The following TBC1D30 variants were observed in gnomAD, a reference collection of about 807,000 sequenced individuals.
The protein encoded by TBC1D30 is TBC1 domain family, member 30.
Under a neutral mutation model 63.2 loss-of-function variants are expected in TBC1D30, and 31 were observed. The observed-to-expected ratio is 0.49, with a 90% CI of 0.37 to 0.66. The LOEUF is 0.66. Ranked by LOEUF, TBC1D30 falls within the 30% of genes least tolerant of loss-of-function variation. The pLI, the probability that TBC1D30 is intolerant of heterozygous loss-of-function variation, is 0.00. For missense variants in TBC1D30, 810 were observed against 953.6 expected, an observed-to-expected ratio of 0.85 and a Z score of 1.98; for synonymous variants, 307 against 361.5, an observed-to-expected ratio of 0.85 and a Z score of 1.71.
At chr12:64,794,724 C>G (rs1872148058) in intron 2 of TBC1D30, among the ~76,000 whole-genome samples, 1 of 152,334 alleles carries the variant, frequency 6.6e-6, no homozygotes, top group Non-Finnish European at 1.5e-5. Context: ...CAGGTGTGAG[C>G]CACTGCACCT....
chr12:64,760,222 T>C (rs938088852), intron 1 of TBC1D30, among the ~76,000 whole-genome samples: 4 of 152,130 alleles, frequency 2.6e-5, no homozygotes, highest in South Asian at 4.1e-4. Flanking sequence ...CCCTTGAAAC[T>C]AGCTCCAGAT....
intron 2 of TBC1D30, among the ~76,000 whole-genome samples, chr12:64,793,964 A>G (rs1038453885): frequency 2.6e-5 from 4 of 152,234 alleles, no homozygotes; most frequent in Non-Finnish European, 5.9e-5. Context: ...TTTGTTTCCC[A>G]TATCCCCTTG....
intron 8 of TBC1D30, among the ~76,000 whole-genome samples, chr12:64,845,930 C>G (rs1224301365): frequency 6.6e-6 from 1 of 152,172 alleles, no homozygotes; most frequent in Admixed American, 6.5e-5. Context: ...TCCCAAAATG[C>G]TGGGATTATA....
chr12:64,867,598 A>G (rs1458973801), intron 10 of TBC1D30, among the ~76,000 whole-genome samples: 4 of 152,204 alleles, frequency 2.6e-5, no homozygotes, highest in African/African-American at 7.2e-5. Flanking sequence ...GCTCCCATGC[A>G]TTGGATTCAA....
At position 64,792,199 on chromosome 12, in the gene TBC1D30, G is replaced by A. The variant is rs372507063; in HGVS notation, c.643+6154G>A. On this transcript the variant is annotated intron_variant, in intron 2 of 12. Transcript: ENST00000542120. ...AATAAGTAAACAAAGGTGTATACAT[G>A]TGGATATTCACCTGTCAAGCTTGAG... is the stretch of plus-strand genomic sequence containing the variant. Among the ~76,000 whole-genome samples the A allele has an allele frequency of 2.8e-4, 43 of 152,302 alleles. No homozygotes were observed. In the East Asian group the frequency reaches 6.6e-3, roughly 23 times the overall value.
At chr12:64,851,472 C>A (rs188666713) in intron 8 of TBC1D30, among the ~76,000 whole-genome samples, 2 of 152,338 alleles carry the variant, frequency 1.3e-5, no homozygotes, top group African/African-American at 4.8e-5. Context: ...TGGGTCTTGA[C>A]TCTTTATCCA....
chr12:64,876,959 T>G lies in TBC1D30; in HGVS notation c.*1171T>G, dbSNP rs972969957. The G allele has an allele frequency of 4.4e-6, 2 of 454,980 alleles. No individual in the cohort carries two copies. Among genetic ancestry groups the G allele is most frequent in the Non-Finnish European group, 8.8e-6 (2 of 226,108 alleles). 28.2% of individuals were successfully genotyped at this position (454,980 alleles called of 1,614,324 possible). ...AGGTCAGTACTCTCGGTATTCCAAG[T>G]GACTTAGCCACATTTCCTTCAGTGC... On this transcript the variant is annotated 3_prime_UTR_variant, in exon 12 of 12. Coordinates refer to ENST00000539867, the MANE Select transcript of TBC1D30 (RefSeq NM_015279.2).
At chr12:64,800,680 C>G (rs1476650370) in intron 2 of TBC1D30, among the ~76,000 whole-genome samples, 1 of 151,922 alleles carries the variant, frequency 6.6e-6, no homozygotes, top group Non-Finnish European at 1.5e-5. Context: ...AGGGCAGAAC[C>G]CTGGGAGAGA....
chr12:64,866,936 G>A lies in TBC1D30; in HGVS notation c.1291+33G>A, dbSNP rs1427361621. 8.5e-6 allele frequency: 13 copies of A among 1,534,470 alleles called. No individual in the cohort carries two copies. In the East Asian group the frequency reaches 2.7e-4, roughly 32 times the overall value. On this transcript the variant is annotated intron_variant, in intron 10 of 11. Coordinates refer to ENST00000539867, the MANE Select transcript of TBC1D30 (RefSeq NM_015279.2). ...GGTGGCTCTTGATTTAGATTATCAT[G>A]ATGTATTGGTTTACTACAATAAGAG...
At chr12:64,849,218 T>C (rs545346188) in intron 8 of TBC1D30, among the ~76,000 whole-genome samples, 10 of 152,364 alleles carry the variant, frequency 6.6e-5, no homozygotes, top group African/African-American at 1.9e-4. Context: ...TCTCCTATTC[T>C]GTAGGTTGCC....
chr12:64,825,752 G>C (rs1490986366), intron 1 of TBC1D30, among the ~76,000 whole-genome samples: 1 of 152,202 alleles, frequency 6.6e-6, no homozygotes, highest in African/African-American at 2.4e-5. Flanking sequence ...GCCCTAGCGC[G>C]GGCTCCTGGG....
chr12:64,808,871 A>C (rs1873039248), intron 2 of TBC1D30, among the ~76,000 whole-genome samples: 1 of 152,116 alleles, frequency 6.6e-6, no homozygotes, highest in South Asian at 2.1e-4. Flanking sequence ...TAATATATCC[A>C]TGCTACAACA....
upstream of TBC1D30, among the ~76,000 whole-genome samples, chr12:64,822,538 C>T (rs1592591372): frequency 6.6e-6 from 1 of 152,248 alleles, no homozygotes; most frequent in Non-Finnish European, 1.5e-5. Context: ...CTCACCATCA[C>T]CCAGGCTGGA....
At chr12:64,863,401 T>C (rs1022386793) in intron 8 of TBC1D30, among the ~76,000 whole-genome samples, 1 of 152,230 alleles carries the variant, frequency 6.6e-6, no homozygotes, top group African/African-American at 2.4e-5. Context: ...GCTTCTTTTC[T>C]TGGGGCACAG....
chr12:64,765,925 T>C (rs909103332), intron 1 of TBC1D30, among the ~76,000 whole-genome samples: 3 of 151,714 alleles, frequency 2.0e-5, no homozygotes, highest in African/African-American at 7.3e-5. Flanking sequence ...GATGGGAGGA[T>C]CACTTGAGCC....
In TBC1D30 at chr12:64,824,967, A is replaced by C; in HGVS notation, c.88A>C (p.Asn30His). ...CGGCGGCGTGGGCACCATCCTGAGC[A>C]ATGTGCTCAAGAAGCGCAGCTGCAT... ...QGGGVGTILS[N>H]VLKKRSCISR... The change falls in exon 1 of 12, where the codon AAT becomes CAT. Residue 30 changes from asparagine (N) to histidine (H), a missense_variant. Transcript: ENST00000539867. 3 of 1,534,708 alleles carry C rather than the reference A, an allele frequency of 2.0e-6. No homozygotes were observed. Among genetic ancestry groups the C allele is most frequent in the Non-Finnish European group, 2.6e-6 (3 of 1,146,568 alleles).
rs1374570196 is a variant in TBC1D30 at position 64,880,547 on chromosome 12, T to C, written c.*4759T>C. On this transcript the variant is annotated 3_prime_UTR_variant, in exon 12 of 12. Coordinates refer to ENST00000539867, the MANE Select transcript of TBC1D30 (RefSeq NM_015279.2). ...ATGTTTTGGTCTCTTCCTCTTCTGA[T>C]AAGGGCACTAACCTCATCATGAGGG... The C allele has an allele frequency of 6.6e-6, 1 of 152,266 alleles. No homozygotes were observed. The highest frequency in any genetic ancestry group is 1.5e-5 in the Non-Finnish European group (1 of 68,070). 9.4% of individuals were successfully genotyped at this position (152,266 alleles called of 1,614,324 possible). A position where few individuals can be genotyped will look rare whatever the true frequency, so the allele number is the denominator to read the frequency against.
intron 5 of TBC1D30, 62 bp downstream of exon 5, chr12:64,832,366 T>C: frequency 2.8e-6 from 4 of 1,437,150 alleles, no homozygotes; most frequent in Middle Eastern, 2.0e-4. Flanking sequence ...ATTGGAACCA[T>C]AATTTCTCTT....
chr12:64,863,152 G>A (rs1185764430), intron 8 of TBC1D30, among the ~76,000 whole-genome samples: 4 of 152,162 alleles, frequency 2.6e-5, no homozygotes, highest in African/African-American at 9.6e-5. Flanking sequence ...GATGTATTAA[G>A]AATAATACAA....
Sources: allele counts gnomAD v4.1 joint callset (sites outside exome capture counted in the v4.1 genomes callset), GRCh38; gene constraint gnomAD v4.1.1; transcripts MANE v1.5; gene names NCBI Gene and HGNC (gene_info 2026-07-23, HGNC 2026-07-21).